CFAP20DC: variants seen among roughly 807,000 people sequenced by gnomAD.
The protein encoded by CFAP20DC is CFAP20 domain containing.
In CFAP20DC, 84 loss-of-function variants were observed where a neutral mutation model predicts 101.7. The observed-to-expected ratio is 0.83, with a 90% CI of 0.69 to 0.99. The LOEUF (loss-of-function observed/expected upper bound fraction) is 0.99. CFAP20DC is among the 50% of genes least tolerant of loss of function. The probability of loss-of-function intolerance (pLI) is 0.00; values close to 1 mark genes in which losing one functional copy is unlikely to be tolerated. For missense variants in CFAP20DC, 1,007 were observed against 970.3 expected (o/e 1.04, Z -0.50); for synonymous variants, 359 against 351.2 (o/e 1.02, Z -0.25).
intron 13 of CFAP20DC, among the ~76,000 whole-genome samples, chr3:58,846,271 T>C (rs1197722569): frequency 1.1e-4 from 16 of 151,948 alleles, no homozygotes; most frequent in Admixed American, 5.2e-4. Context: ...AATCCCATTG[T>C]CTCAGCCCAA....
At chr3:58,972,746 A>C (rs1364525949) in intron 4 of CFAP20DC, among the ~76,000 whole-genome samples, 1 of 152,192 alleles carries the variant, frequency 6.6e-6, no homozygotes, top group Non-Finnish European at 1.5e-5. Flanking sequence ...TTCTATACTC[A>C]ATTTGTAAGT....
intron 15 of CFAP20DC, among the ~76,000 whole-genome samples, chr3:58,758,852 A>G (rs1273778468): frequency 1.3e-5 from 2 of 152,016 alleles, no homozygotes; most frequent in African/African-American, 4.8e-5. Context: ...CCATGTCCCT[A>G]CAAAGGACAA....
chr3:59,012,577 C>T (rs2093608045), intron 4 of CFAP20DC, among the ~76,000 whole-genome samples: 1 of 152,208 alleles, frequency 6.6e-6, no homozygotes, highest in Non-Finnish European at 1.5e-5. Flanking sequence ...AAAAGACCTT[C>T]AATACCACAG....
At chr3:58,889,197 G>A (rs933609833) in intron 6 of CFAP20DC, among the ~76,000 whole-genome samples, 1 of 152,060 alleles carries the variant, frequency 6.6e-6, no homozygotes, top group Non-Finnish European at 1.5e-5. Flanking sequence ...TTCAAGGGCC[G>A]ACTAGACATG....
chr3:58,926,285 G>A (rs1419417572), intron 5 of CFAP20DC, among the ~76,000 whole-genome samples: 1 of 151,804 alleles, frequency 6.6e-6, no homozygotes, highest in Non-Finnish European at 1.5e-5. Context: ...AGAATTGTTT[G>A]AACCTGAGAG....
intron 6 of CFAP20DC, among the ~76,000 whole-genome samples, chr3:58,911,434 C>G (rs1278873107): frequency 6.6e-6 from 1 of 151,942 alleles, no homozygotes; most frequent in East Asian, 1.9e-4. Context: ...TAGAGGTTAT[C>G]TCTTAGGAGA....
chr3:58,968,024 C>T (rs1348554673), intron 4 of CFAP20DC, among the ~76,000 whole-genome samples: 1 of 152,198 alleles, frequency 6.6e-6, no homozygotes, highest in Non-Finnish European at 1.5e-5. Flanking sequence ...ATCCATATTC[C>T]TGCAAAAGAC....
chr3:58,946,039 G>A (rs1197954424), intron 4 of CFAP20DC, among the ~76,000 whole-genome samples: 1 of 150,270 alleles, frequency 6.7e-6, no homozygotes, highest in Admixed American at 6.6e-5. Flanking sequence ...TTTTCCTTTG[G>A]TTTCTTACAG....
chr3:58,808,493 C>A (rs549608470), intron 14 of CFAP20DC, among the ~76,000 whole-genome samples: 11 of 152,236 alleles, frequency 7.2e-5, no homozygotes, highest in East Asian at 3.9e-4. Flanking sequence ...GAAATAAAAT[C>A]CTTTACAGAC....
intron 4 of CFAP20DC, among the ~76,000 whole-genome samples, chr3:59,011,415 C>T (rs908382948): frequency 1.4e-5 from 2 of 146,762 alleles, no homozygotes; most frequent in African/African-American, 5.1e-5. Flanking sequence ...AAAAAAAAGT[C>T]TGAAAGAGCA....
rs2084405307 is a variant in CFAP20DC at position 58,913,877 on chromosome 3, G to C, written c.394-13C>G. 2 of 1,612,792 alleles carry C rather than the reference G, an allele frequency of 1.2e-6. No individual in the cohort carries two copies. Among genetic ancestry groups the C allele is most frequent in the Non-Finnish European group, 1.7e-6 (2 of 1,179,452 alleles). On this transcript the variant is annotated splice_polypyrimidine_tract_variant and intron_variant, in intron 5 of 16. Coordinates refer to ENST00000482387, the MANE Select transcript of CFAP20DC (RefSeq NM_001394063.1). The surrounding 1 kb of genome is among the most constrained non-coding windows in gnomAD (Gnocchi z 4.4). ...ATAGATTGCACCACTAAAATAGAGA[G>C]ATGCAAAGAAGAGTAAGGACCTTTC...
intron 14 of CFAP20DC, chr3:58,824,615 A>G (rs2075915424): frequency 6.6e-6 from 1 of 152,172 alleles, no homozygotes; most frequent in Admixed American, 6.5e-5. Context: ...AAAACCTATG[A>G]AAATGGCGAT....
At chr3:58,942,600 G>A (rs1449313486) in intron 4 of CFAP20DC, among the ~76,000 whole-genome samples, 1 of 152,192 alleles carries the variant, frequency 6.6e-6, no homozygotes, top group Non-Finnish European at 1.5e-5. Flanking sequence ...ATTCCCTCAG[G>A]TGCCTACACC....
chr3:58,868,116 G>C lies in CFAP20DC; in HGVS notation c.1016-180C>G, dbSNP rs2079845557. On this transcript the variant is annotated intron_variant, in intron 9 of 16. Coordinates refer to ENST00000482387, the MANE Select transcript of CFAP20DC (RefSeq NM_001394063.1). This position sits in a 1 kb window ranked among gnomAD's most constrained non-coding sequence, Gnocchi z 4.6. ...GGCATTTATTCCTATTCCGATATTG[G>C]GATCCTATCAGGCTTTCAAAATTAC... is the stretch of plus-strand genomic sequence containing the variant. Among the ~76,000 whole-genome samples, 1 of 151,912 alleles carries C rather than the reference G, an allele frequency of 6.6e-6. No homozygotes were observed. Among genetic ancestry groups the C allele is most frequent in the Non-Finnish European group, 1.5e-5 (1 of 67,962 alleles).
chr3:58,850,739 T>C (rs1353309622), intron 12 of CFAP20DC, among the ~76,000 whole-genome samples: 2 of 152,130 alleles, frequency 1.3e-5, no homozygotes, highest in African/African-American at 2.4e-5. Flanking sequence ...TGTCTGACAA[T>C]GCGTATCTTG....
chr3:59,048,243 T>C (rs2109333736), intron 1 of CFAP20DC, among the ~76,000 whole-genome samples: 1 of 152,328 alleles, frequency 6.6e-6, no homozygotes, highest in Admixed American at 6.5e-5. Flanking sequence ...TGTGAGCAAA[T>C]CTAATTTCTG....
intron 14 of CFAP20DC, chr3:58,824,584 A>C (rs1050034835): frequency 2.6e-5 from 4 of 152,212 alleles, no homozygotes; most frequent in African/African-American, 9.6e-5. Flanking sequence ...AGGTAAAGAT[A>C]ATATTTTTAT....
chr3:58,938,270 A>G (rs921788908), intron 4 of CFAP20DC, among the ~76,000 whole-genome samples: 3 of 152,250 alleles, frequency 2.0e-5, no homozygotes, highest in Non-Finnish European at 4.4e-5. Context: ...TCCAACCAGA[A>G]TTATAATACA....
intron 5 of CFAP20DC, among the ~76,000 whole-genome samples, chr3:58,924,524 C>A (rs2085737650): frequency 1.3e-5 from 2 of 152,016 alleles, no homozygotes; most frequent in Admixed American, 6.6e-5. Flanking sequence ...GTGAATAGTT[C>A]TGTAATAAAC....
Sources: gnomAD v4.1 joint callset for allele counts (sites outside exome capture counted in the v4.1 genomes callset) on GRCh38, gnomAD v4.1.1 for gene constraint, Gnocchi (gnomAD v3.1) non-coding constraint, MANE v1.5 for transcripts, NCBI Gene and HGNC (gene_info 2026-07-23, HGNC 2026-07-21) for gene names.